CASD1: variants seen among roughly 807,000 people sequenced by gnomAD.
CASD1 encodes the protein N-acetylneuraminate (7)9-O-acetyltransferase.
Under a neutral mutation model 100.0 loss-of-function variants are expected in CASD1, and 41 were observed. The ratio of observed to expected loss-of-function variants is 0.41; its 90% confidence interval spans 0.32 to 0.53. CASD1 has a LOEUF of 0.53. Ranked by LOEUF, CASD1 falls within the 20% of genes least tolerant of loss-of-function variation. CASD1 has a pLI of 0.25. For synonymous variants in CASD1, 321 were observed against 315.6 expected (o/e 1.02, Z -0.18); for missense variants, 774 against 948.7 (o/e 0.82, Z 2.42).
rs114959387 is a variant in CASD1, at chr7:94,524,056, A to G, written c.352-3106A>G. ...AAATCGTTTCTAGATGGATGAGTTTAAACTTAAATGTGAAAGTAAAAAATT... is the reference window on the plus strand; with the variant it reads ...AAATCGTTTCTAGATGGATGAGTTTGAACTTAAATGTGAAAGTAAAAAATT... On this transcript the variant is annotated intron_variant, in intron 3 of 17. Coordinates refer to ENST00000297273, the MANE Select transcript of CASD1 (RefSeq NM_022900.5). The G allele has an allele frequency of 3.0e-3, 455 of 152,252 alleles. 3 individuals are homozygous for G. The highest frequency in any genetic ancestry group is 0.01 in the African/African-American group (424 of 41,558). 9.4% of individuals were successfully genotyped at this position (152,252 alleles called of 1,614,324 possible).
the CASD1 span, among the ~76,000 whole-genome samples, chr7:94,568,799 G>T: frequency 1.3e-5 from 2 of 152,300 alleles, no homozygotes; most frequent in Admixed American, 1.3e-4. Context: ...GAGTTTCCTT[G>T]CCCCTTCCAC....
intron 16 of CASD1, 161 bp from the exon 17 acceptor site, chr7:94,554,322 A>G: frequency 3.8e-6 from 2 of 522,516 alleles, no homozygotes; most frequent in Non-Finnish European, 6.7e-6. Context: ...AGACTTTAGA[A>G]CAAAAATAAC....
At chr7:94,527,666 C>A (rs960599820) in intron 4 of CASD1, among the ~76,000 whole-genome samples, 1 of 152,012 alleles carries the variant, frequency 6.6e-6, no homozygotes, top group African/African-American at 2.4e-5. Flanking sequence ...ACTGAGGCTT[C>A]AAAAATAAGT....
At chr7:94,514,751 A>G (rs532159148) in intron 1 of CASD1, among the ~76,000 whole-genome samples, 1 of 152,196 alleles carries the variant, frequency 6.6e-6, no homozygotes, top group South Asian at 2.1e-4. Flanking sequence ...TAGCTGAAGT[A>G]GATAGTCCTG....
chr7:94,603,589 C>G, the CASD1 span: 1 of 750,012 alleles, frequency 1.3e-6, no homozygotes, highest in South Asian at 1.7e-5. Flanking sequence ...GGCCTCGGCT[C>G]TAAAAACAAT....
At chr7:94,535,547 G>A (rs372925684) in intron 8 of CASD1, 24 bp downstream of exon 8, 4 of 1,497,424 alleles carry the variant, frequency 2.7e-6, no homozygotes, top group Non-Finnish European at 3.7e-6. Context: ...ACATATGTCA[G>A]TAGATGGAGA....
intron 1 of CASD1, among the ~76,000 whole-genome samples, chr7:94,514,477 A>G (rs1270097247): frequency 1.3e-5 from 2 of 152,168 alleles, no homozygotes; most frequent in African/African-American, 4.8e-5. Context: ...AATTCGGTCT[A>G]AATTTAGGTG....
At chr7:94,594,731 C>A in the CASD1 span, among the ~76,000 whole-genome samples, 1 of 152,068 alleles carries the variant, frequency 6.6e-6, no homozygotes, top group African/African-American at 2.4e-5. Context: ...ATCTTTGTAA[C>A]TTTCCTGTAC....
the CASD1 span, among the ~76,000 whole-genome samples, chr7:94,591,089 T>C: frequency 1.3e-5 from 2 of 152,266 alleles, no homozygotes; most frequent in Non-Finnish European, 2.9e-5. Context: ...CTTATCCTTG[T>C]GTAGGCTAGA....
chr7:94,526,367 G>GA (rs2116261355), intron 3 of CASD1, among the ~76,000 whole-genome samples: 1 of 152,312 alleles, frequency 6.6e-6, no homozygotes, highest in Admixed American at 6.5e-5. Flanking sequence ...ATTGCCTTGG[G>GA]AAATTCAGCC....
At chr7:94,629,503 T>A in the CASD1 span, 5 of 466,082 alleles carry the variant, frequency 1.1e-5, no homozygotes, top group African/African-American at 2.0e-5. Context: ...AGACTGAGAA[T>A]CCAGAAATAT....
chr7:94,528,285 T>C (rs1794675574), intron 5 of CASD1, 35 bp downstream of exon 5: 1 of 1,356,746 alleles, frequency 7.4e-7, no homozygotes, highest in African/African-American at 1.5e-5. Flanking sequence ...TTTTTTTTTT[T>C]TATTTTTATT....
Position 94,549,516 on chromosome 7 carries a change from T to C in CASD1, c.1714-17T>C, listed in dbSNP as rs777863497. ...ACTTGTACCATCTTAATTTATTTTC[T>C]GGATTCCTTTTTTCAGGGTGCATTT... On this transcript the variant is annotated splice_polypyrimidine_tract_variant and intron_variant, in intron 13 of 17. Transcript: ENST00000297273. The C allele has an allele frequency of 1.3e-6, 2 of 1,559,938 alleles. No homozygotes were observed. The highest frequency in any genetic ancestry group is 1.8e-6 in the Non-Finnish European group (2 of 1,139,770).
At chr7:94,576,052 G>C in the CASD1 span, among the ~76,000 whole-genome samples, 1 of 152,234 alleles carries the variant, frequency 6.6e-6, no homozygotes, top group Non-Finnish European at 1.5e-5. Flanking sequence ...ATTGTTTCTT[G>C]ATGTATTCTT....
chr7:94,625,059 G>T, the CASD1 span: 1 of 151,970 alleles, frequency 6.6e-6, no homozygotes, highest in African/African-American at 2.4e-5. Context: ...TTATTATGAT[G>T]ATGTGAAGAC....
Position 94,530,957 on chromosome 7 carries a change from T to A in CASD1, c.460-2248T>A, listed in dbSNP as rs1033796439. On this transcript the variant is annotated intron_variant, in intron 5 of 17. Coordinates refer to ENST00000297273, the MANE Select transcript of CASD1 (RefSeq NM_022900.5). ...CCTTTCAAAACTTGCTAAGGTGGAA[T>A]GAAGCTACAGCATTTGGCAATCCAG... Among the ~76,000 whole-genome samples, 16 of 152,122 alleles carry A rather than the reference T, an allele frequency of 1.1e-4. 1 individual carries two copies.
chr7:94,517,622 C>T lies in CASD1; in HGVS notation c.196C>T (p.Pro66Ser), dbSNP rs371003135. ...GRFLGEKVWQ[P>S]HSCMMHKYKI... ...ATTTCTTGGAGAGAAAGTTTGGCAA[C>T]CTCACAGTTGTATGATGCATAAATA... The change falls in exon 2 of 18, where the codon CCT becomes TCT. Residue 66 changes from proline (P) to serine (S), a missense_variant. By Grantham distance (74) the Pro-to-Ser change is moderately conservative (BLOSUM62 -1). Coordinates refer to ENST00000297273, the MANE Select transcript of CASD1 (RefSeq NM_022900.5). 6.2e-7 allele frequency: 1 copy of T among 1,611,266 alleles called. No homozygotes were observed. Among genetic ancestry groups the T allele is most frequent in the Non-Finnish European group, 8.5e-7 (1 of 1,178,570 alleles).
chr7:94,533,613 T>C (rs1017561579), intron 6 of CASD1, 66 bp from the exon 7 acceptor site: 6 of 1,209,096 alleles, frequency 5.0e-6, no homozygotes, highest in Non-Finnish European at 6.8e-6. Context: ...TTACAGTAGG[T>C]AAATTATATA....
chr7:94,594,606 C>G, the CASD1 span: 1 of 152,034 alleles, frequency 6.6e-6, no homozygotes, highest in Non-Finnish European at 1.5e-5. Context: ...AGTCTGAAGT[C>G]TAGGTAACAG....
Sources: gnomAD v4.1 joint callset for allele counts (sites outside exome capture counted in the v4.1 genomes callset) on GRCh38, gnomAD v4.1.1 for gene constraint, MANE v1.5 for transcripts, NCBI Gene and HGNC (gene_info 2026-07-23, HGNC 2026-07-21) for gene names.